Variants in RARB observed in about 807,000 individuals in gnomAD.
RARB encodes retinoic acid receptor beta.
A neutral mutation model predicts 51.9 loss-of-function variants in RARB; 17 were observed. The ratio of observed to expected loss-of-function variants is 0.33; its 90% CI spans 0.22 to 0.49. RARB has a LOEUF of 0.49. RARB is among the 20% of genes least tolerant of loss of function. RARB has a pLI of 0.99. For synonymous variants in RARB, 215 were observed against 195.4 expected (o/e 1.10, Z -0.84); for missense variants, 369 against 550.8 (o/e 0.67, Z 3.30).
chr3:25,558,524 T>G (rs1256464588), intron 3 of RARB, among the ~76,000 whole-genome samples: 1 of 135,838 alleles, frequency 7.4e-6, no homozygotes, highest in Non-Finnish European at 1.5e-5. Context: ...GATTAGTTCC[T>G]GGCCCTTTTT....
chr3:25,293,911 G>A (rs1703852949), intron 5 of RARB, among the ~76,000 whole-genome samples: 1 of 152,100 alleles, frequency 6.6e-6, no homozygotes, highest in Non-Finnish European at 1.5e-5. Flanking sequence ...GTCGTAACTG[G>A]GAGTGGCTAC....
At chr3:25,512,154 C>T (rs1028075746) in intron 3 of RARB, among the ~76,000 whole-genome samples, 5 of 152,172 alleles carry the variant, frequency 3.3e-5, no homozygotes, top group Admixed American at 1.3e-4. Flanking sequence ...CAGTACTTAG[C>T]TAAGCGTTAG....
At chr3:25,444,714 AAATAC>A (rs1374319499) in intron 1 of RARB, among the ~76,000 whole-genome samples, 15 of 152,190 alleles carry the variant, frequency 9.9e-5, no homozygotes, top group Admixed American at 8.5e-4. Flanking sequence ...GAACAAGTAA[AAATAC>A]AACAGCACTA....
intron 2 of RARB, among the ~76,000 whole-genome samples, chr3:25,472,905 G>A (rs1249131301): frequency 1.3e-5 from 2 of 152,190 alleles, no homozygotes; most frequent in African/African-American, 4.8e-5. Flanking sequence ...AAAGCACACT[G>A]CTGGAGACTG....
At chr3:25,002,651 A>G (rs1047525993) in intron 2 of RARB, among the ~76,000 whole-genome samples, 16 of 152,274 alleles carry the variant, frequency 1.1e-4, no homozygotes, top group East Asian at 5.8e-4. Flanking sequence ...AGCTTTTTCT[A>G]TGCTACATAT....
chr3:25,329,376 G>A lies in RARB; in HGVS notation c.179-131817G>A, dbSNP rs149552907. Among the ~76,000 whole-genome samples the A allele has an allele frequency of 1.9e-4, 29 of 152,254 alleles. No individual in the cohort carries two copies. In the East Asian group the frequency reaches 5.6e-3, roughly 29 times the overall value. ...TATTTGCCGTTCTGCAGCCTCTGCT[G>A]GTGATACCCAGGCAAAAAGGGTCTG... is the stretch of plus-strand genomic sequence containing the variant. On this transcript the variant is annotated intron_variant, in intron 5 of 11. Transcript: ENST00000383772.
intron 5 of RARB, among the ~76,000 whole-genome samples, chr3:25,205,640 A>T (rs1435953657): frequency 6.6e-6 from 1 of 152,188 alleles, no homozygotes; most frequent in Non-Finnish European, 1.5e-5. Flanking sequence ...CCCTGATGTA[A>T]TTATTATGCA....
At chr3:24,989,420 T>C (rs1214057432) in intron 2 of RARB, among the ~76,000 whole-genome samples, 2 of 41,770 alleles carry the variant, frequency 4.8e-5, no homozygotes, top group Non-Finnish European at 9.1e-5. Context: ...GAATTTTCTC[T>C]CTAATATTGT....
intron 2 of RARB, among the ~76,000 whole-genome samples, chr3:24,915,598 T>G (rs985765192): frequency 2.6e-5 from 4 of 152,204 alleles, no homozygotes; most frequent in Non-Finnish European, 5.9e-5. Flanking sequence ...AAATGTTGTT[T>G]CATGAAGGTT....
At chr3:25,227,280 A>C (rs575171932) in intron 5 of RARB, among the ~76,000 whole-genome samples, 66 of 152,360 alleles carry the variant, frequency 4.3e-4, no homozygotes, top group African/African-American at 1.5e-3. Context: ...ATAATAAAAT[A>C]AATCAGTTTG....
At chr3:24,891,251 T>C (rs919500693) in intron 2 of RARB, among the ~76,000 whole-genome samples, 1 of 152,234 alleles carries the variant, frequency 6.6e-6, no homozygotes, top group African/African-American at 2.4e-5. Context: ...TCTTCCAAAC[T>C]AGGCTATGAG....
At chr3:25,410,042 TC>T (rs1488473661) in intron 5 of RARB, among the ~76,000 whole-genome samples, 4 of 152,334 alleles carry the variant, frequency 2.6e-5, no homozygotes, top group Admixed American at 6.5e-5. Flanking sequence ...CCAGCCCAGT[TC>T]TTGTTTTCAT....
At chr3:25,284,592 A>G (rs13069258) in intron 5 of RARB, among the ~76,000 whole-genome samples, 116,416 of 151,930 alleles carry the variant, frequency 0.77, 45,065 homozygotes, top group East Asian at 0.86. Context: ...ATTCTAAAAT[A>G]TAGGTTGTCA....
intron 5 of RARB, among the ~76,000 whole-genome samples, chr3:25,397,756 G>A (rs1298761434): frequency 9.9e-5 from 15 of 151,748 alleles, no homozygotes; most frequent in Admixed American, 9.9e-4. Flanking sequence ...AAAATTCTTT[G>A]TACAAATTCA....
At chr3:25,383,140 A>G (rs1007635700) in intron 5 of RARB, among the ~76,000 whole-genome samples, 3 of 152,140 alleles carry the variant, frequency 2.0e-5, no homozygotes, top group African/African-American at 7.2e-5. Context: ...ATTTAGCCAG[A>G]TTGGTTTGGT....
intron 3 of RARB, among the ~76,000 whole-genome samples, chr3:25,514,161 A>G (rs1322433836): frequency 6.6e-6 from 1 of 152,150 alleles, no homozygotes; most frequent in Non-Finnish European, 1.5e-5. Context: ...TTCTCAGGAG[A>G]GTGGCTACCT....
intron 2 of RARB, among the ~76,000 whole-genome samples, chr3:25,027,499 A>G (rs1477210185): frequency 1.3e-5 from 2 of 152,270 alleles, no homozygotes; most frequent in East Asian, 3.9e-4. Context: ...ATAATTGCCA[A>G]GCCCTCTTCA....
At chr3:24,941,128 T>C (rs1346337137) in intron 2 of RARB, among the ~76,000 whole-genome samples, 1 of 151,966 alleles carries the variant, frequency 6.6e-6, no homozygotes, top group East Asian at 1.9e-4. Flanking sequence ...AGGAAAGGGG[T>C]TCCACTTTTG....
chr3:25,079,808 C>T (rs1698955199), intron 3 of RARB, among the ~76,000 whole-genome samples: 1 of 152,112 alleles, frequency 6.6e-6, no homozygotes, highest in Non-Finnish European at 1.5e-5. Flanking sequence ...TGACTATATT[C>T]ATGAGGGATG....
Sources: gnomAD v4.1 joint callset for allele counts (sites outside exome capture counted in the v4.1 genomes callset) on GRCh38, gnomAD v4.1.1 for gene constraint, MANE v1.5 for transcripts, NCBI Gene and HGNC (gene_info 2026-07-23, HGNC 2026-07-21) for gene names.